The following SNTG1 variants were observed in gnomAD, a reference collection of about 807,000 sequenced individuals.
The protein encoded by SNTG1 is syntrophin gamma 1, also known as gamma-1-syntrophin.
Under a neutral mutation model 74.7 loss-of-function variants are expected in SNTG1, and 39 were observed. The observed-to-expected ratio is 0.52, with a 90% CI of 0.40 to 0.68. SNTG1 has a LOEUF of 0.68. Ranked by LOEUF, SNTG1 falls within the 30% of genes least tolerant of loss-of-function variation. The pLI, the probability that SNTG1 is intolerant of heterozygous loss-of-function variation, is 0.00. For missense variants in SNTG1, 685 were observed against 609.5 expected, an observed-to-expected ratio of 1.12 and a Z score of -1.30; for synonymous variants, 254 against 217.1, an observed-to-expected ratio of 1.17 and a Z score of -1.49.
chr8:50,498,422 T>C (rs2093922742), intron 8 of SNTG1, among the ~76,000 whole-genome samples: 2 of 151,918 alleles, frequency 1.3e-5, no homozygotes, highest in African/African-American at 4.8e-5. Flanking sequence ...TATACCTGCC[T>C]AAGATTTTTC....
Position 50,113,467 on chromosome 8 carries a change from C to A in SNTG1, c.-102-59094C>A, listed in dbSNP as rs999340440. ...AGACTTTGCTGAAGTTGCTTATCAGCTTAAGGAGATTTTGGGCTGAGACGA... is the reference window on the plus strand; with the variant it reads ...AGACTTTGCTGAAGTTGCTTATCAGATTAAGGAGATTTTGGGCTGAGACGA... On this transcript the variant is annotated intron_variant, in intron 1 of 18. Coordinates refer to ENST00000642720, the MANE Select transcript of SNTG1 (RefSeq NM_018967.5). Among the ~76,000 whole-genome samples, 27 of 152,256 alleles carry A rather than the reference C, an allele frequency of 1.8e-4. 1 individual carries two copies. Among genetic ancestry groups the A allele is most frequent in the African/African-American group, 2.4e-4 (10 of 41,554 alleles).
chr8:50,726,443 G>T (rs2095500327), intron 17 of SNTG1, among the ~76,000 whole-genome samples: 1 of 152,168 alleles, frequency 6.6e-6, no homozygotes, highest in Non-Finnish European at 1.5e-5. Context: ...CCCTCAGGCA[G>T]AGTGGGCAAC....
chr8:50,774,935 T>C (rs1213629852), intron 18 of SNTG1, among the ~76,000 whole-genome samples: 4 of 150,814 alleles, frequency 2.7e-5, no homozygotes, highest in African/African-American at 2.4e-5. Context: ...AAATAACTAA[T>C]GATAAAAATG....
At chr8:50,611,505 T>A (rs887277546) in intron 13 of SNTG1, among the ~76,000 whole-genome samples, 2 of 152,192 alleles carry the variant, frequency 1.3e-5, no homozygotes, top group Non-Finnish European at 2.9e-5. Context: ...TTGCTGGAAA[T>A]TTTTATTCAG....
intron 15 of SNTG1, among the ~76,000 whole-genome samples, chr8:50,695,230 A>G (rs2095400023): frequency 6.6e-6 from 1 of 151,918 alleles, no homozygotes; most frequent in South Asian, 2.1e-4. Context: ...AAAAACCGTT[A>G]AAAATAGAAA....
chr8:50,050,217 TA>T (rs1042650359), intron 1 of SNTG1, among the ~76,000 whole-genome samples: 4 of 151,644 alleles, frequency 2.6e-5, no homozygotes, highest in Non-Finnish European at 4.4e-5. Context: ...GTTAATTATG[TA>T]AAAAAGAGAG....
chr8:50,388,080 C>T (rs1051680580), intron 2 of SNTG1, among the ~76,000 whole-genome samples: 2 of 152,148 alleles, frequency 1.3e-5, no homozygotes, highest in African/African-American at 4.8e-5. Context: ...GGATGAGACT[C>T]TGGGTTTAGT....
chr8:50,181,490 G>A (rs1045637029), intron 2 of SNTG1, among the ~76,000 whole-genome samples: 1 of 152,170 alleles, frequency 6.6e-6, no homozygotes, highest in Non-Finnish European at 1.5e-5. Flanking sequence ...GCAGTCAGCA[G>A]AGTTTTTCAG....
At chr8:50,078,405 T>C (rs187514915) in intron 1 of SNTG1, among the ~76,000 whole-genome samples, 16 of 152,282 alleles carry the variant, frequency 1.1e-4, no homozygotes, top group Admixed American at 9.8e-4. Context: ...AATATTTCTG[T>C]ATTTCTTTTG....
chr8:50,775,010 A>G (rs1339392535), intron 18 of SNTG1, among the ~76,000 whole-genome samples: 1 of 150,916 alleles, frequency 6.6e-6, no homozygotes, highest in Non-Finnish European at 1.5e-5. Context: ...GTGTATACAT[A>G]TATATACATG....
chr8:50,147,251 A>G (rs1297642129), intron 1 of SNTG1, among the ~76,000 whole-genome samples: 1 of 152,226 alleles, frequency 6.6e-6, no homozygotes, highest in African/African-American at 2.4e-5. Context: ...AGGGAATGTC[A>G]GAATGGAACG....
chr8:50,193,143 G>A (rs2083638545), intron 2 of SNTG1, among the ~76,000 whole-genome samples: 1 of 152,084 alleles, frequency 6.6e-6, no homozygotes, highest in Admixed American at 6.6e-5. Flanking sequence ...CTTGTTTTTG[G>A]ATCCATATGA....
At chr8:50,534,944 TAAA>T (rs1253873293) in intron 10 of SNTG1, among the ~76,000 whole-genome samples, 3 of 152,122 alleles carry the variant, frequency 2.0e-5, no homozygotes, top group Non-Finnish European at 4.4e-5. Flanking sequence ...ATGCCCTCCC[TAAA>T]AGTTCCATGT....
intron 4 of SNTG1, 26 bp from the exon 5 acceptor site, chr8:50,438,517 C>A: frequency 6.2e-7 from 1 of 1,605,692 alleles, no homozygotes; most frequent in Non-Finnish European, 8.5e-7. Flanking sequence ...GAAACACTAA[C>A]CATTCTTAAA....
chr8:49,987,081 A>G (rs914002333), intron 1 of SNTG1, among the ~76,000 whole-genome samples: 1 of 152,214 alleles, frequency 6.6e-6, no homozygotes, highest in Non-Finnish European at 1.5e-5. Flanking sequence ...TACATTTTGG[A>G]AATTCTGAGT....
At chr8:50,024,401 C>A (rs1009314617) in intron 1 of SNTG1, among the ~76,000 whole-genome samples, 1 of 152,070 alleles carries the variant, frequency 6.6e-6, no homozygotes, top group Non-Finnish European at 1.5e-5. Context: ...AGGAAACCTG[C>A]AAAATCATGC....
intron 9 of SNTG1, among the ~76,000 whole-genome samples, chr8:50,528,593 TCCA>T (rs909642674): frequency 6.6e-6 from 1 of 151,862 alleles, no homozygotes; most frequent in African/African-American, 2.4e-5. Context: ...TTTGCATATG[TCCA>T]TAAGAGTTGA....
At chr8:50,177,839 C>T (rs36006902) in intron 2 of SNTG1, among the ~76,000 whole-genome samples, 44,968 of 151,952 alleles carry the variant, frequency 0.3, 6,749 homozygotes, top group South Asian at 0.43. Flanking sequence ...GGAGTTTCAC[C>T]ACCCAAAAAT....
At chr8:49,915,608 C>G (rs1805959453) in intron 1 of SNTG1, among the ~76,000 whole-genome samples, 1 of 152,160 alleles carries the variant, frequency 6.6e-6, no homozygotes, top group Admixed American at 6.6e-5. Context: ...CAACAACTTT[C>G]ATTTTGACCT....
Sources: gnomAD v4.1 joint callset for allele counts (sites outside exome capture counted in the v4.1 genomes callset) on GRCh38, gnomAD v4.1.1 for gene constraint, MANE v1.5 for transcripts, NCBI Gene and HGNC (gene_info 2026-07-23, HGNC 2026-07-21) for gene names.